Variants in CFAP91 observed in about 807,000 individuals in gnomAD.
CFAP91 encodes cilia and flagella associated protein 91.
Under a neutral mutation model 95.9 loss-of-function variants are expected in CFAP91, and 85 were observed. That is an observed-to-expected ratio of 0.89 (90% CI 0.74 to 1.06). The LOEUF (loss-of-function observed/expected upper bound fraction) is 1.06, where lower values mean the gene tolerates loss of function less well. Among genes scored for constraint, CFAP91 ranks in the 50% least tolerant of loss-of-function variants. The probability of loss-of-function intolerance (pLI) is 0.00; values close to 1 mark genes in which losing one functional copy is unlikely to be tolerated. For synonymous variants in CFAP91, 335 were observed against 327.5 expected (o/e 1.02, Z -0.25); for missense variants, 962 against 943.4 (o/e 1.02, Z -0.26).
chr3:119,710,651 TATTTG>T (rs1347566828), intron 5 of CFAP91, among the ~76,000 whole-genome samples: 4 of 151,866 alleles, frequency 2.6e-5, no homozygotes, highest in Non-Finnish European at 3.0e-5. Context: ...CTGAAACACT[TATTTG>T]ATGACAGTTC....
chr3:119,709,578 T>A (rs4444744), intron 4 of CFAP91, among the ~76,000 whole-genome samples: 111,186 of 152,050 alleles, frequency 0.73, 42,498 homozygotes, highest in Non-Finnish European at 0.85. Context: ...GAGAAAATAC[T>A]GGAGTGTTTA....
Position 119,707,459 on chromosome 3 carries a change from A to G in CFAP91, c.257A>G (p.Tyr86Cys), listed in dbSNP as rs1168772904. Reference protein sequence around the residue: ...MFSNLIHYPRYSLYWSKSDPV... With the variant: ...MFSNLIHYPRCSLYWSKSDPV... ...AGTAACCTGATCCATTATCCAAGATATTCTCTATATTGGAGCAAGTCAGAT... is the reference window on the plus strand; with the variant it reads ...AGTAACCTGATCCATTATCCAAGATGTTCTCTATATTGGAGCAAGTCAGAT... The change falls in exon 3 of 18, where the codon TAT (tyrosine) becomes TGT (cysteine). Residue 86 changes from tyrosine (Y) to cysteine (C), a missense_variant. By Grantham distance (194) the Tyr-to-Cys change is radical. Coordinates refer to ENST00000273390, the MANE Select transcript of CFAP91 (RefSeq NM_033364.4). 2 of 1,591,986 alleles carry G rather than the reference A, an allele frequency of 1.3e-6. No individual in the cohort carries two copies. Among genetic ancestry groups the G allele is most frequent in the East Asian group, 4.5e-5 (2 of 44,514 alleles).
At chr3:119,743,500 C>T (rs1437964838) in intron 13 of CFAP91, among the ~76,000 whole-genome samples, 2 of 152,066 alleles carry the variant, frequency 1.3e-5, no homozygotes, top group Admixed American at 6.5e-5. Context: ...TCTACTTTCA[C>T]GTTATTCAAG....
chr3:119,740,594 C>CG lies in CFAP91; in HGVS notation c.1580dup (p.Thr528HisfsTer9), dbSNP rs766472727. ...GCGACTGGAGTTGATCCAGGAGTTG[C>CG]GCACCTGCCACGCACTACAAGAAGA... is the stretch of plus-strand genomic sequence containing the variant. On this transcript the variant is annotated frameshift_variant, in exon 13 of 18. Coordinates refer to ENST00000273390, the MANE Select transcript of CFAP91 (RefSeq NM_033364.4). LOFTEE classifies it high-confidence loss of function. 1.2e-6 allele frequency: 2 copies of CG among 1,614,138 alleles called. No homozygotes were observed. The highest frequency in any genetic ancestry group is 4.5e-5 in the East Asian group (2 of 44,880).
At position 119,740,654 on chromosome 3, in the gene CFAP91, A is replaced by G. The variant is rs1418037021; in HGVS notation, c.1639A>G (p.Thr547Ala). The G allele has an allele frequency of 6.2e-7, 1 of 1,613,994 alleles. No homozygotes were observed. The highest frequency in any genetic ancestry group is 1.3e-5 in the African/African-American group (1 of 74,894). ...KLVKKAEKQVTLALQRQRNLH... is the reference protein window; with the variant it reads ...KLVKKAEKQVALALQRQRNLH... ...GGTGAAAAAAGCCGAGAAGCAAGTGACCCTGGCCTTACAGCGGCAGAGGAA... is the reference window on the plus strand; with the variant it reads ...GGTGAAAAAAGCCGAGAAGCAAGTGGCCCTGGCCTTACAGCGGCAGAGGAA... The change falls in exon 13 of 18, where the codon ACC becomes GCC. Residue 547 changes from threonine (T) to alanine (A), a missense_variant. Coordinates refer to ENST00000273390, the MANE Select transcript of CFAP91 (RefSeq NM_033364.4).
At chr3:119,740,417 C>A in intron 12 of CFAP91, 132 bp from the exon 13 acceptor site, 1 of 995,266 alleles carries the variant, frequency 1.0e-6, no homozygotes, top group Non-Finnish European at 1.5e-6. Context: ...GACACATCTG[C>A]TCTGTGGAAC....
In CFAP91 at chr3:119,747,628, T is replaced by A. The variant is rs149222720; in HGVS notation, c.2052-183T>A. On this transcript the variant is annotated intron_variant, in intron 15 of 17. Coordinates refer to ENST00000273390, the MANE Select transcript of CFAP91 (RefSeq NM_033364.4). ...CAGGCAGGGTAACTGAAGGACAGGG[T>A]CAAATCCAAATTTTTTTGTGGAGTT... is the stretch of plus-strand genomic sequence containing the variant. 1,890 of 614,006 alleles carry A rather than the reference T, an allele frequency of 3.1e-3. 34 individuals are homozygous for A. The African/African-American group carries it at 0.031, about 10-fold the overall frequency. The allele number at this position is 614,006 out of a possible 1,614,324, so 38.0% of individuals were successfully genotyped here. A position where few individuals can be genotyped will look rare whatever the true frequency, so the allele number is the denominator to read the frequency against.
intron 6 of CFAP91, among the ~76,000 whole-genome samples, chr3:119,724,559 T>C (rs1423368233): frequency 6.6e-6 from 1 of 152,066 alleles, no homozygotes. Flanking sequence ...CATACATATA[T>C]GTGGTATTTT....
chr3:119,704,286 A>G (rs1220021194), intron 1 of CFAP91, among the ~76,000 whole-genome samples: 9 of 152,198 alleles, frequency 5.9e-5, no homozygotes, highest in Non-Finnish European at 1.2e-4. Context: ...AGGAATTGCT[A>G]AATGTTTCCA....
At chr3:119,764,053 G>A (rs1252457849) in intron 17 of CFAP91, among the ~76,000 whole-genome samples, 3 of 152,058 alleles carry the variant, frequency 2.0e-5, no homozygotes, top group Non-Finnish European at 4.4e-5. Flanking sequence ...ATTCTACAAC[G>A]TGCACGTATT....
chr3:119,710,673 A>T (rs1238676418), intron 5 of CFAP91, among the ~76,000 whole-genome samples: 1 of 152,246 alleles, frequency 6.6e-6, no homozygotes, highest in Non-Finnish European at 1.5e-5. Context: ...GTTCTTCAAC[A>T]TTTCATTAAA....
At chr3:119,721,399 G>A (rs2053681985) in intron 6 of CFAP91, among the ~76,000 whole-genome samples, 1 of 152,176 alleles carries the variant, frequency 6.6e-6, no homozygotes. Context: ...AACTTCAGAA[G>A]CTTTACCTTA....
Position 119,737,491 on chromosome 3 carries a change from G to A in CFAP91, c.1461+9G>A, listed in dbSNP as rs778835530. 6.6e-7 allele frequency: 1 copy of A among 1,524,180 alleles called. No individual in the cohort carries two copies. Among genetic ancestry groups the A allele is most frequent in the Non-Finnish European group, 9.0e-7 (1 of 1,109,742 alleles). The allele number at this position is 1,524,180 out of a possible 1,614,324, so 94.4% of individuals were successfully genotyped here. On this transcript the variant is annotated intron_variant, in intron 11 of 17. Transcript: ENST00000273390. ...TGGAAATGACGTCCAATGTAAGTTG[G>A]AAACTTTTTAGTTGAAATGCTAAAT...
chr3:119,745,832 C>T (rs2054210976), intron 14 of CFAP91, among the ~76,000 whole-genome samples: 1 of 152,156 alleles, frequency 6.6e-6, no homozygotes, highest in African/African-American at 2.4e-5. Context: ...ATAGAGAAGG[C>T]ATAGGGATTG....
chr3:119,705,079 T>TTC, intron 1 of CFAP91, among the ~76,000 whole-genome samples: 1 of 152,322 alleles, frequency 6.6e-6, no homozygotes, highest in Admixed American at 6.5e-5. Flanking sequence ...GCAACACATC[T>TTC]CTATGCTTGC....
At chr3:119,751,240 C>T in intron 17 of CFAP91, 142 bp downstream of exon 17, 2 of 908,112 alleles carry the variant, frequency 2.2e-6, no homozygotes, top group East Asian at 2.7e-5. Context: ...TGGCACATTT[C>T]CTCTAGTTTA....
intron 6 of CFAP91, among the ~76,000 whole-genome samples, chr3:119,724,766 A>T (rs1016034575): frequency 1.3e-5 from 2 of 151,964 alleles, no homozygotes; most frequent in African/African-American, 4.8e-5. Context: ...AGTTTTTGAG[A>T]TGGAGTCTCA....
intron 17 of CFAP91, among the ~76,000 whole-genome samples, chr3:119,758,540 A>T (rs535837959): frequency 7.9e-5 from 12 of 152,304 alleles, no homozygotes; most frequent in Admixed American, 5.2e-4. Context: ...AAAATTATTT[A>T]TCTGCAATGG....
chr3:119,753,813 C>G (rs978175040), intron 17 of CFAP91, among the ~76,000 whole-genome samples: 2 of 152,184 alleles, frequency 1.3e-5, no homozygotes, highest in African/African-American at 4.8e-5. Context: ...TCATCCCCTT[C>G]CCACTCTTCC....
Sources: allele counts gnomAD v4.1 joint callset (sites outside exome capture counted in the v4.1 genomes callset), GRCh38; gene constraint gnomAD v4.1.1; transcripts MANE v1.5; gene names NCBI Gene and HGNC (gene_info 2026-07-23, HGNC 2026-07-21).